The following CCSER1 variants were observed in gnomAD, a reference collection of about 807,000 sequenced individuals.
CCSER1 encodes the protein serine-rich coiled-coil domain-containing protein 1.
Under a neutral mutation model 82.0 loss-of-function variants are expected in CCSER1, and 41 were observed. That is an observed-to-expected ratio of 0.50 (90% CI 0.39 to 0.65). CCSER1 has a LOEUF of 0.65. Ranked by LOEUF, CCSER1 falls within the 30% of genes least tolerant of loss-of-function variation. The probability of loss-of-function intolerance (pLI) is 0.00; values close to 1 mark genes in which losing one functional copy is unlikely to be tolerated. For synonymous variants in CCSER1, 414 were observed against 383.9 expected (o/e 1.08, Z -0.92); for missense variants, 1,119 against 1,064.2 (o/e 1.05, Z -0.72).
At chr4:90,465,854 G>A (rs1560561259) in intron 4 of CCSER1, among the ~76,000 whole-genome samples, 1 of 152,140 alleles carries the variant, frequency 6.6e-6, no homozygotes, top group African/African-American at 2.4e-5. Flanking sequence ...TTTGAACCCT[G>A]TTTTTGGGGA....
chr4:91,057,943 A>T (rs10446698), intron 9 of CCSER1, among the ~76,000 whole-genome samples: 1 of 152,024 alleles, frequency 6.6e-6, no homozygotes, highest in Non-Finnish European at 1.5e-5. Flanking sequence ...GGCCAAGGTA[A>T]CACTTATGAC....
At chr4:90,592,929 A>C (rs1008606315) in intron 5 of CCSER1, among the ~76,000 whole-genome samples, 1 of 152,168 alleles carries the variant, frequency 6.6e-6, no homozygotes, top group Admixed American at 6.6e-5. Flanking sequence ...CTATAACATC[A>C]GGCTGGTGTG....
chr4:90,654,664 G>A (rs1729384538), intron 6 of CCSER1, among the ~76,000 whole-genome samples: 1 of 151,832 alleles, frequency 6.6e-6, no homozygotes, highest in Non-Finnish European at 1.5e-5. Context: ...CACTTATTTA[G>A]CCCTTTATTG....
intron 1 of CCSER1, among the ~76,000 whole-genome samples, chr4:90,282,600 A>G (rs1428151948): frequency 6.6e-6 from 1 of 151,906 alleles, no homozygotes; most frequent in Non-Finnish European, 1.5e-5. Context: ...TGAGGCTTAT[A>G]TACATTGAAA....
intron 10 of CCSER1, among the ~76,000 whole-genome samples, chr4:91,314,109 T>A (rs1354137770): frequency 6.6e-6 from 1 of 152,000 alleles, no homozygotes; most frequent in African/African-American, 2.4e-5. Context: ...TCAATGCCTA[T>A]TTCATCTGCA....
At chr4:90,781,530 A>G (rs1753781326) in intron 7 of CCSER1, 1 of 984,158 alleles carries the variant, frequency 1.0e-6, no homozygotes, top group South Asian at 4.7e-5. Context: ...TAAACTTGAA[A>G]CACTTTTTTT....
chr4:90,164,165 C>A (rs1213124835), intron 1 of CCSER1, among the ~76,000 whole-genome samples: 1 of 151,920 alleles, frequency 6.6e-6, no homozygotes, highest in Non-Finnish European at 1.5e-5. Context: ...CTTATGAGAA[C>A]CTACATGAAA....
At chr4:90,468,843 C>T (rs553501872) in intron 5 of CCSER1, among the ~76,000 whole-genome samples, 2 of 151,786 alleles carry the variant, frequency 1.3e-5, no homozygotes, top group Non-Finnish European at 2.9e-5. Flanking sequence ...TTAAACAGTT[C>T]AAGCTTTAAT....
chr4:91,593,467 CTTTTTT>C (rs753973015), intron 10 of CCSER1, among the ~76,000 whole-genome samples: 24 of 55,020 alleles, frequency 4.4e-4, no homozygotes, highest in Non-Finnish European at 6.6e-4. Flanking sequence ...CAACCCCGTG[CTTTTTT>C]TTTTTTTTTT....
At chr4:90,188,785 C>T (rs1578396726) in intron 1 of CCSER1, among the ~76,000 whole-genome samples, 1 of 151,826 alleles carries the variant, frequency 6.6e-6, no homozygotes, top group Admixed American at 6.6e-5. Flanking sequence ...ACATTTTCAA[C>T]CATATTTGCA....
At chr4:90,155,076 G>A (rs1727793969) in intron 1 of CCSER1, among the ~76,000 whole-genome samples, 1 of 152,150 alleles carries the variant, frequency 6.6e-6, no homozygotes, top group Admixed American at 6.5e-5. Flanking sequence ...TTTATTGACA[G>A]TTTTTAGCAT....
intron 9 of CCSER1, among the ~76,000 whole-genome samples, chr4:90,961,437 G>T (rs975796925): frequency 2.0e-5 from 3 of 152,062 alleles, no homozygotes; most frequent in Admixed American, 2.0e-4. Context: ...ATCTGATCTT[G>T]TAGGTACATG....
rs900609133 is a variant in CCSER1 at position 90,368,870 on chromosome 4, A to G, written c.1510-31166A>G. ...AAATGAAAAATTTTAATTTGTATCA[A>G]TCATTATTAGAAGCAAAACTTATGG... On this transcript the variant is annotated intron_variant, in intron 3 of 10. Coordinates refer to ENST00000509176, the MANE Select transcript of CCSER1 (RefSeq NM_001145065.2). Among the ~76,000 whole-genome samples, 3 of 151,994 alleles carry G rather than the reference A, an allele frequency of 2.0e-5. 1 individual carries two copies. The highest frequency in any genetic ancestry group is 6.6e-5 in the Admixed American group (1 of 15,236).
chr4:91,144,173 T>A (rs1205963252), intron 10 of CCSER1, among the ~76,000 whole-genome samples: 1 of 152,104 alleles, frequency 6.6e-6, no homozygotes, highest in Admixed American at 6.6e-5. Flanking sequence ...TTTAATTTCT[T>A]CTTGATTCAA....
chr4:91,139,637 C>G (rs778520152), intron 10 of CCSER1, among the ~76,000 whole-genome samples: 1 of 152,010 alleles, frequency 6.6e-6, no homozygotes, highest in African/African-American at 2.4e-5. Context: ...TCTTTCAAGA[C>G]CCATAGCAAA....
intron 10 of CCSER1, among the ~76,000 whole-genome samples, chr4:91,469,279 A>C (rs942842132): frequency 6.6e-6 from 1 of 152,228 alleles, no homozygotes; most frequent in African/African-American, 2.4e-5. Flanking sequence ...CTATGATATA[A>C]GATAACAATG....
intron 1 of CCSER1, among the ~76,000 whole-genome samples, chr4:90,162,865 A>C (rs1308738837): frequency 6.6e-6 from 1 of 152,164 alleles, no homozygotes; most frequent in Non-Finnish European, 1.5e-5. Context: ...AGTCTGTTAG[A>C]AACAGTGACT....
chr4:90,587,414 A>T (rs1782153003), intron 5 of CCSER1, among the ~76,000 whole-genome samples: 1 of 152,182 alleles, frequency 6.6e-6, no homozygotes, highest in Non-Finnish European at 1.5e-5. Flanking sequence ...GATCGAGTCC[A>T]ATCAGGTCAA....
intron 5 of CCSER1, among the ~76,000 whole-genome samples, chr4:90,543,798 T>C (rs543120120): frequency 6.6e-6 from 1 of 152,322 alleles, no homozygotes; most frequent in Admixed American, 6.5e-5. Flanking sequence ...ATTTGCTCAC[T>C]CTTAGAATGA....
Sources: gnomAD v4.1 joint callset for allele counts (sites outside exome capture counted in the v4.1 genomes callset) on GRCh38, gnomAD v4.1.1 for gene constraint, MANE v1.5 for transcripts, NCBI Gene and HGNC (gene_info 2026-07-23, HGNC 2026-07-21) for gene names.